Variants in TMEM232 observed in about 807,000 individuals in gnomAD.
TMEM232 encodes the protein transmembrane protein 232.
Under a neutral mutation model 78.8 loss-of-function variants are expected in TMEM232, and 80 were observed. The ratio of observed to expected loss-of-function variants is 1.01; its 90% CI spans 0.85 to 1.22. TMEM232 has a LOEUF of 1.22. TMEM232 is among the 50% of genes most tolerant of loss of function. The pLI is 0.00. For synonymous variants in TMEM232, 297 were observed against 254.3 expected (o/e 1.17, Z -1.60); for missense variants, 881 against 742.2 (o/e 1.19, Z -2.17).
intron 11 of TMEM232, among the ~76,000 whole-genome samples, chr5:110,549,231 A>C (rs566328890): frequency 2.0e-5 from 3 of 152,300 alleles, no homozygotes; most frequent in African/African-American, 7.2e-5. Context: ...CATTAAATGC[A>C]AGGAAATTAG....
intron 2 of TMEM232, among the ~76,000 whole-genome samples, chr5:110,650,543 T>C (rs886304648): frequency 2.0e-4 from 30 of 152,128 alleles, no homozygotes; most frequent in Admixed American, 1.9e-3. Flanking sequence ...AGAATGGTGC[T>C]TAACCTCAGG....
rs1387641023 is a variant in TMEM232, at chr5:110,528,672, T to C, written c.1619A>G (p.Lys540Arg). 4.6e-6 allele frequency: 7 copies of C among 1,535,290 alleles called. No individual in the cohort carries two copies. The East Asian group carries it at 1.7e-4, about 38-fold the overall frequency. The change falls in exon 12 of 14, where the codon AAA becomes AGA. Residue 540 changes from lysine to arginine, a missense_variant. Coordinates refer to ENST00000455884, the MANE Select transcript of TMEM232 (RefSeq NM_001039763.4). ...PIEAHFLPLK[K>R]PSIKKDQTKY... is the part of the protein sequence containing the mutation. ...TGTTTGATCCTTTTTTATTGATGGTTTCTTCAAAGGAAGAAAATGGGCCTC... is the reference window on the plus strand; with the variant it reads ...TGTTTGATCCTTTTTTATTGATGGTCTCTTCAAAGGAAGAAAATGGGCCTC...
intron 3 of TMEM232, among the ~76,000 whole-genome samples, chr5:110,394,064 T>C (rs1440796212): frequency 6.6e-6 from 1 of 151,948 alleles, no homozygotes; most frequent in Non-Finnish European, 1.5e-5. Flanking sequence ...ATTTTTGCAC[T>C]CATTAACCAT....
intron 11 of TMEM232, among the ~76,000 whole-genome samples, chr5:110,559,714 G>A (rs897314419): frequency 2.6e-5 from 4 of 152,250 alleles, no homozygotes; most frequent in South Asian, 2.1e-4. Context: ...CTGGTGTTAT[G>A]AGAACAAAGT....
chr5:110,702,678 C>T (rs79790824), intron 1 of TMEM232, among the ~76,000 whole-genome samples: 4,841 of 152,094 alleles, frequency 0.032, 210 homozygotes, highest in African/African-American at 0.099. Context: ...GAGACACTCC[C>T]GGAAAATGCT....
chr5:110,675,679 T>C (rs990040629), intron 1 of TMEM232, among the ~76,000 whole-genome samples: 2 of 152,190 alleles, frequency 1.3e-5, no homozygotes, highest in African/African-American at 4.8e-5. Flanking sequence ...ATTGTATATA[T>C]TTATGTTGTA....
intron 4 of TMEM232, among the ~76,000 whole-genome samples, chr5:110,388,533 C>T (rs754015449): frequency 1.3e-5 from 2 of 152,166 alleles, no homozygotes; most frequent in Admixed American, 6.5e-5. Flanking sequence ...CAAGGACTTT[C>T]GTACCCTCAC....
intron 12 of TMEM232, among the ~76,000 whole-genome samples, chr5:110,450,179 C>A (rs957000120): frequency 6.6e-6 from 1 of 152,156 alleles, no homozygotes; most frequent in African/African-American, 2.4e-5. Context: ...CACAGCCATA[C>A]TTCCTGTATA....
At chr5:110,727,208 A>C (rs532657908), upstream of TMEM232, among the ~76,000 whole-genome samples, 1 of 152,354 alleles carries the variant, frequency 6.6e-6, no homozygotes, top group Admixed American at 6.5e-5. Context: ...AAGTCCTTTA[A>C]AAATCCTTGT....
intron 7 of TMEM232, among the ~76,000 whole-genome samples, chr5:110,623,449 GCTA>G (rs1409440949): frequency 1.3e-5 from 2 of 152,070 alleles, no homozygotes. Flanking sequence ...CAAATCCTCT[GCTA>G]TAATATACTA....
At chr5:110,511,997 A>T (rs3926437) in intron 12 of TMEM232, among the ~76,000 whole-genome samples, 2,949 of 151,322 alleles carry the variant, frequency 0.019, 87 homozygotes, top group African/African-American at 0.069. Context: ...CCTTCCCTGA[A>T]CCCTCCCTAC....
At chr5:110,447,503 C>T (rs1263530489) in intron 12 of TMEM232, among the ~76,000 whole-genome samples, 5 of 152,066 alleles carry the variant, frequency 3.3e-5, no homozygotes, top group African/African-American at 1.2e-4. Context: ...CTTTTCAATA[C>T]ACGGCAAGTA....
At chr5:110,706,546 G>A (rs908559223) in intron 1 of TMEM232, among the ~76,000 whole-genome samples, 11 of 152,144 alleles carry the variant, frequency 7.2e-5, no homozygotes, top group African/African-American at 2.7e-4. Flanking sequence ...GCGTATAAAG[G>A]TGGTCTTCTA....
intron 12 of TMEM232, among the ~76,000 whole-genome samples, chr5:110,494,299 A>G (rs1765422096): frequency 6.6e-6 from 1 of 152,164 alleles, no homozygotes; most frequent in Non-Finnish European, 1.5e-5. Context: ...TAAGCCAAAA[A>G]TATGTGCAAA....
intron 2 of TMEM232, among the ~76,000 whole-genome samples, chr5:110,399,300 T>A (rs1444000671): frequency 6.6e-6 from 1 of 152,164 alleles, no homozygotes; most frequent in African/African-American, 2.4e-5. Flanking sequence ...CTTGTAACAC[T>A]GAGCAGTGGT....
intron 1 of TMEM232, among the ~76,000 whole-genome samples, chr5:110,687,299 G>A (rs779592516): frequency 2.0e-5 from 3 of 152,058 alleles, no homozygotes; most frequent in Non-Finnish European, 4.4e-5. Context: ...AAAAACCCAC[G>A]TGTAACTGCT....
At chr5:110,448,752 G>C (rs1012241232) in intron 12 of TMEM232, among the ~76,000 whole-genome samples, 3 of 151,894 alleles carry the variant, frequency 2.0e-5, no homozygotes, top group African/African-American at 7.2e-5. Context: ...TTTTATTATT[G>C]ACTTTTGAAA....
chr5:110,638,934 G>C (rs1786287022), intron 4 of TMEM232, among the ~76,000 whole-genome samples: 1 of 152,138 alleles, frequency 6.6e-6, no homozygotes, highest in Non-Finnish European at 1.5e-5. Flanking sequence ...GAGGAAACAG[G>C]GCCAACCGGT....
chr5:110,396,267 A>G (rs1033306317), intron 3 of TMEM232, among the ~76,000 whole-genome samples: 2 of 152,122 alleles, frequency 1.3e-5, no homozygotes, highest in African/African-American at 2.4e-5. Context: ...TAATCACCCA[A>G]TCACCTCCCA....
Sources: allele counts gnomAD v4.1 joint callset (sites outside exome capture counted in the v4.1 genomes callset), GRCh38; gene constraint gnomAD v4.1.1; transcripts MANE v1.5; gene names NCBI Gene and HGNC (gene_info 2026-07-23, HGNC 2026-07-21).